CDH13: variants seen among roughly 807,000 people sequenced by gnomAD.
The protein encoded by CDH13 is cadherin 13.
Under a neutral mutation model 63.8 loss-of-function variants are expected in CDH13, and 24 were observed. The ratio of observed to expected loss-of-function variants is 0.38; its 90% CI spans 0.27 to 0.53. CDH13 has a LOEUF of 0.53. CDH13 is among the 20% of genes least tolerant of loss of function. CDH13 has a pLI of 0.85. For synonymous variants in CDH13, 503 were observed against 355.3 expected, an observed-to-expected ratio of 1.42 and a Z score of -4.67; for missense variants, 1,049 against 903.1, an observed-to-expected ratio of 1.16 and a Z score of -2.07.
At chr16:83,088,198 G>A (rs930397417) in intron 3 of CDH13, among the ~76,000 whole-genome samples, 1 of 152,180 alleles carries the variant, frequency 6.6e-6, no homozygotes, top group African/African-American at 2.4e-5. Context: ...TGTTTAGTTT[G>A]TGTTGACACA....
At chr16:83,143,462 T>A (rs959344786) in intron 4 of CDH13, among the ~76,000 whole-genome samples, 2 of 152,172 alleles carry the variant, frequency 1.3e-5, no homozygotes, top group Non-Finnish European at 2.9e-5. Context: ...TTTAGCTTCA[T>A]GGAAAAAATA....
intron 4 of CDH13, among the ~76,000 whole-genome samples, chr16:83,168,332 T>TAC (rs34319205): frequency 6.6e-6 from 1 of 152,020 alleles, no homozygotes; most frequent in East Asian, 1.9e-4. Context: ...TATAGATATT[T>TAC]ACACACACAC....
chr16:83,748,050 A>G (rs543970954), intron 10 of CDH13, 58 bp from the exon 11 acceptor site: 1 of 1,596,026 alleles, frequency 6.3e-7, no homozygotes, highest in South Asian at 1.1e-5. Flanking sequence ...TGCACTCTGT[A>G]AATGTTTCTT....
chr16:83,506,825 T>A (rs138699974), intron 7 of CDH13, among the ~76,000 whole-genome samples: 1 of 152,318 alleles, frequency 6.6e-6, no homozygotes, highest in Non-Finnish European at 1.5e-5. Context: ...CACCTACTAA[T>A]AGCCAGCATC....
At chr16:83,655,834 T>C (rs1269851137) in intron 8 of CDH13, among the ~76,000 whole-genome samples, 1 of 152,158 alleles carries the variant, frequency 6.6e-6, no homozygotes. Context: ...GCTGCTACTA[T>C]GCAGAGGACA....
chr16:83,088,895 C>G (rs2033747658), intron 3 of CDH13, among the ~76,000 whole-genome samples: 1 of 152,168 alleles, frequency 6.6e-6, no homozygotes, highest in African/African-American at 2.4e-5. Flanking sequence ...AGCCCACTAC[C>G]TGTTTTTGTC....
chr16:83,498,357 T>C (rs1390866954), intron 7 of CDH13, among the ~76,000 whole-genome samples: 1 of 152,114 alleles, frequency 6.6e-6, no homozygotes, highest in Admixed American at 6.5e-5. Context: ...GAGGTAAAAC[T>C]GAGATTATTC....
chr16:83,216,431 T>TATATATATATATATATAAATAA (rs2039527774), intron 4 of CDH13, among the ~76,000 whole-genome samples: 1 of 116,336 alleles, frequency 8.6e-6, no homozygotes, highest in East Asian at 2.5e-4. Context: ...TATATATATA[T>TATATATATATATATATAAATAA]ATATATATAT....
At chr16:83,577,885 C>T (rs1905199753) in intron 7 of CDH13, among the ~76,000 whole-genome samples, 1 of 152,148 alleles carries the variant, frequency 6.6e-6, no homozygotes, top group Non-Finnish European at 1.5e-5. Flanking sequence ...GAGATAATTG[C>T]TGTTAATATC....
chr16:83,401,791 G>A (rs1314421753), intron 6 of CDH13, among the ~76,000 whole-genome samples: 1 of 152,192 alleles, frequency 6.6e-6, no homozygotes, highest in Non-Finnish European at 1.5e-5. Context: ...CTCATTTTGT[G>A]CTTGACTCTC....
intron 2 of CDH13, among the ~76,000 whole-genome samples, chr16:82,914,227 C>T (rs1213274271): frequency 2.6e-5 from 4 of 152,028 alleles, no homozygotes; most frequent in African/African-American, 7.3e-5. Flanking sequence ...CCATCATGGC[C>T]CCTCCCAGGG....
intron 5 of CDH13, among the ~76,000 whole-genome samples, chr16:83,265,350 A>G (rs1323447803): frequency 6.6e-6 from 1 of 152,122 alleles, no homozygotes; most frequent in Non-Finnish European, 1.5e-5. Flanking sequence ...CATGCCTGAA[A>G]ATCCTTTTTC....
intron 6 of CDH13, among the ~76,000 whole-genome samples, chr16:83,456,343 C>T (rs1405542565): frequency 6.6e-6 from 1 of 152,078 alleles, no homozygotes; most frequent in Non-Finnish European, 1.5e-5. Context: ...ACAGTGAGGC[C>T]CCGTCTTAGG....
chr16:82,673,833 A>G (rs375710772), intron 1 of CDH13, among the ~76,000 whole-genome samples: 1 of 152,200 alleles, frequency 6.6e-6, no homozygotes, highest in African/African-American at 2.4e-5. Context: ...AAGTGTTAGC[A>G]ACAGAGGCAA....
intron 4 of CDH13, among the ~76,000 whole-genome samples, chr16:83,150,277 A>T (rs1355708535): frequency 6.6e-6 from 1 of 152,200 alleles, no homozygotes; most frequent in Admixed American, 6.5e-5. Context: ...AAGAAAAGTA[A>T]TAATAATGAC....
intron 1 of CDH13, among the ~76,000 whole-genome samples, chr16:82,695,580 G>A (rs1317029902): frequency 6.6e-6 from 1 of 152,124 alleles, no homozygotes; most frequent in African/African-American, 2.4e-5. Context: ...CCATCTCATG[G>A]CATTGTTGGG....
At chr16:82,793,313 C>T (rs574329117) in intron 1 of CDH13, among the ~76,000 whole-genome samples, 1 of 151,768 alleles carries the variant, frequency 6.6e-6, no homozygotes, top group East Asian at 1.9e-4. Context: ...CAATAAAAAG[C>T]AGTAGCAAAG....
chr16:83,407,899 G>C (rs1261788305), intron 6 of CDH13, among the ~76,000 whole-genome samples: 1 of 152,098 alleles, frequency 6.6e-6, no homozygotes, highest in African/African-American at 2.4e-5. Flanking sequence ...CATTTTAAAA[G>C]GGCAGAGTTT....
At chr16:83,255,823 T>C (rs1178267315) in intron 5 of CDH13, among the ~76,000 whole-genome samples, 3 of 152,128 alleles carry the variant, frequency 2.0e-5, no homozygotes, top group Non-Finnish European at 4.4e-5. Flanking sequence ...ATTTGCAAAA[T>C]AAGGATACTG....
Sources: gnomAD v4.1 joint callset for allele counts (sites outside exome capture counted in the v4.1 genomes callset) on GRCh38, gnomAD v4.1.1 for gene constraint, MANE v1.5 for transcripts, NCBI Gene and HGNC (gene_info 2026-07-23, HGNC 2026-07-21) for gene names.